The following IQCJ variants were observed in gnomAD, a reference collection of about 807,000 sequenced individuals.
The protein encoded by IQCJ is IQ domain-containing protein J.
In IQCJ, 9 loss-of-function variants were observed where a neutral mutation model predicts 11.0. That is an observed-to-expected ratio of 0.82 (90% CI 0.49 to 1.43). The LOEUF (loss-of-function observed/expected upper bound fraction) is 1.43. IQCJ is among the 40% of genes most tolerant of loss of function. The probability of loss-of-function intolerance (pLI) is 0.00; values close to 1 mark genes in which losing one functional copy is unlikely to be tolerated. For synonymous variants in IQCJ, 55 were observed against 51.3 expected, an observed-to-expected ratio of 1.07 and a Z score of -0.31; for missense variants, 146 against 133.2, an observed-to-expected ratio of 1.10 and a Z score of -0.47.
rs192465402 is a variant in IQCJ at position 159,090,517 on chromosome 3, G to C, written c.9+21076G>C. Among the ~76,000 whole-genome samples, 503 of 151,922 alleles carry C rather than the reference G, an allele frequency of 3.3e-3. 14 individuals are homozygous for C. Among genetic ancestry groups the C allele is most frequent in the African/African-American group, 0.012 (487 of 41,206 alleles). On this transcript the variant is annotated intron_variant, in intron 1 of 3. Transcript: ENST00000397832. The stretch of plus-strand genomic sequence containing the variant: ...GTCCGTAGAGTTGGTGGGTGGGGCT[G>C]GTCCAGGTCTATTCATGGAGTCAGT...
At chr3:159,162,087 T>C (rs1721896704) in intron 1 of IQCJ, among the ~76,000 whole-genome samples, 1 of 152,206 alleles carries the variant, frequency 6.6e-6, no homozygotes, top group South Asian at 2.1e-4. Flanking sequence ...GGTACCTTGA[T>C]GGGGATGGCA....
At chr3:159,241,168 G>C (rs2108181197) in intron 1 of IQCJ, among the ~76,000 whole-genome samples, 1 of 152,114 alleles carries the variant, frequency 6.6e-6, no homozygotes, top group East Asian at 2.0e-4. Context: ...CCAGCACTTT[G>C]GGAGGCCGAG....
intron 1 of IQCJ, among the ~76,000 whole-genome samples, chr3:159,216,611 C>T (rs1725250111): frequency 6.6e-6 from 1 of 152,172 alleles, no homozygotes; most frequent in South Asian, 2.1e-4. Context: ...CCCTTTGTTT[C>T]CTGCCCATTG....
At chr3:159,162,756 A>G (rs1409770025) in intron 1 of IQCJ, among the ~76,000 whole-genome samples, 1 of 152,242 alleles carries the variant, frequency 6.6e-6, no homozygotes, top group Non-Finnish European at 1.5e-5. Context: ...CACCGATCCT[A>G]CAGAAATACA....
chr3:159,157,809 G>T (rs978312866), intron 1 of IQCJ, among the ~76,000 whole-genome samples: 1 of 152,070 alleles, frequency 6.6e-6, no homozygotes, highest in Admixed American at 6.5e-5. Context: ...TGCATACTAC[G>T]CCTACATTAT....
intron 1 of IQCJ, among the ~76,000 whole-genome samples, chr3:159,127,319 G>A (rs911975328): frequency 2.0e-5 from 3 of 152,152 alleles, no homozygotes; most frequent in African/African-American, 7.2e-5. Flanking sequence ...CAGGCTTTGG[G>A]ATTCTGGCTC....
chr3:159,121,647 T>G (rs1282962027), intron 1 of IQCJ, among the ~76,000 whole-genome samples: 2 of 152,210 alleles, frequency 1.3e-5, no homozygotes, highest in Non-Finnish European at 2.9e-5. Flanking sequence ...CATATTTTCT[T>G]TGAGGTTGAC....
intron 1 of IQCJ, among the ~76,000 whole-genome samples, chr3:159,146,012 G>A (rs1484495791): frequency 6.6e-6 from 1 of 152,136 alleles, no homozygotes; most frequent in Non-Finnish European, 1.5e-5. Flanking sequence ...GAAAACTAAA[G>A]GACATACAGG....
At chr3:159,262,084 C>T (rs182680991) in intron 3 of IQCJ, among the ~76,000 whole-genome samples, 94 of 152,342 alleles carry the variant, frequency 6.2e-4, no homozygotes, top group Non-Finnish European at 1.0e-4. Context: ...GAGCTGTGCA[C>T]GGCAGAGTCC....
intron 1 of IQCJ, among the ~76,000 whole-genome samples, chr3:159,186,534 A>G (rs1390056976): frequency 1.3e-5 from 2 of 152,196 alleles, no homozygotes; most frequent in Non-Finnish European, 2.9e-5. Context: ...ATTCAGAATC[A>G]GCAAGTAGAA....
chr3:159,093,773 A>G lies in IQCJ; in HGVS notation c.9+24332A>G, dbSNP rs1370518271. Among the ~76,000 whole-genome samples the G allele has an allele frequency of 7.2e-5, 11 of 152,020 alleles. 1 individual carries two copies. Among genetic ancestry groups the G allele is most frequent in the African/African-American group, 2.7e-4 (11 of 41,286 alleles). On this transcript the variant is annotated intron_variant, in intron 1 of 3. Transcript: ENST00000397832. ...GGGAAGCAAACACATCCTTCTTCAC[A>G]TGGCAGCAGGAGAGAGAAGTGCAGA...
At chr3:159,200,717 C>T (rs1724278256) in intron 1 of IQCJ, among the ~76,000 whole-genome samples, 2 of 152,164 alleles carry the variant, frequency 1.3e-5, no homozygotes, top group South Asian at 4.1e-4. Context: ...TGCCTTTCTC[C>T]TGGCTGTACT....
intron 1 of IQCJ, among the ~76,000 whole-genome samples, chr3:159,133,542 T>A (rs186144615): frequency 6.6e-6 from 1 of 152,324 alleles, no homozygotes; most frequent in Non-Finnish European, 1.5e-5. Flanking sequence ...TAATGTGTGA[T>A]GTGGGTACAC....
intron 1 of IQCJ, among the ~76,000 whole-genome samples, chr3:159,086,294 G>C (rs915984302): frequency 2.6e-5 from 4 of 152,170 alleles, no homozygotes; most frequent in Non-Finnish European, 4.4e-5. Flanking sequence ...TTTGGTACCA[G>C]TACCATGCTG....
intron 1 of IQCJ, among the ~76,000 whole-genome samples, chr3:159,172,155 T>C (rs1577059214): frequency 6.6e-6 from 1 of 152,192 alleles, no homozygotes; most frequent in South Asian, 2.1e-4. Flanking sequence ...GTTCACAGAA[T>C]TGATTTTTAT....
chr3:159,137,020 T>C (rs754505311), intron 1 of IQCJ, among the ~76,000 whole-genome samples: 9 of 152,064 alleles, frequency 5.9e-5, no homozygotes, highest in Non-Finnish European at 1.2e-4. Context: ...TCCCAGCACT[T>C]TGGGAGACTG....
At chr3:159,107,296 C>T (rs762384539) in intron 1 of IQCJ, among the ~76,000 whole-genome samples, 1 of 152,176 alleles carries the variant, frequency 6.6e-6, no homozygotes, top group African/African-American at 2.4e-5. Flanking sequence ...AGAGAGCTAG[C>T]TAGTCCCTTT....
intron 1 of IQCJ, among the ~76,000 whole-genome samples, chr3:159,095,353 AT>A (rs1717657096): frequency 1.3e-5 from 2 of 151,254 alleles, no homozygotes; most frequent in Non-Finnish European, 2.9e-5. Flanking sequence ...AGGAAAATTT[AT>A]TTTATTTTAT....
intron 1 of IQCJ, among the ~76,000 whole-genome samples, chr3:159,215,614 G>A (rs1312971359): frequency 6.6e-6 from 1 of 152,092 alleles, no homozygotes; most frequent in African/African-American, 2.4e-5. Context: ...TGCAAATGGA[G>A]GTAAAATGAA....
Sources: allele counts gnomAD v4.1 joint callset (sites outside exome capture counted in the v4.1 genomes callset), GRCh38; gene constraint gnomAD v4.1.1; transcripts MANE v1.5; gene names NCBI Gene and HGNC (gene_info 2026-07-23, HGNC 2026-07-21).